RELCH: variants seen among roughly 807,000 people sequenced by gnomAD.
RELCH encodes the protein RAB11 binding and LisH domain, coiled-coil and HEAT repeat containing.
RELCH carries 41 observed loss-of-function variants against 150.3 expected under a neutral mutation model. The observed-to-expected ratio is 0.27, with a 90% CI of 0.21 to 0.35. The LOEUF is 0.35. Ranked by LOEUF, RELCH falls within the 10% of genes least tolerant of loss-of-function variation. RELCH has a pLI of 1.00. For synonymous variants in RELCH, 478 were observed against 531.8 expected, an observed-to-expected ratio of 0.90 and a Z score of 1.39; for missense variants, 1,092 against 1,467.8, an observed-to-expected ratio of 0.74 and a Z score of 4.18.
At chr18:62,299,236 A>G (rs866891218) in intron 28 of RELCH, among the ~76,000 whole-genome samples, 18 of 152,352 alleles carry the variant, frequency 1.2e-4, no homozygotes, top group African/African-American at 4.1e-4. Flanking sequence ...TACTGCATAA[A>G]GGACTATCAA....
At chr18:62,254,235 G>A (rs1359538913) in intron 12 of RELCH, among the ~76,000 whole-genome samples, 2 of 152,010 alleles carry the variant, frequency 1.3e-5, no homozygotes, top group African/African-American at 4.8e-5. Flanking sequence ...TATGAATTTA[G>A]GATGTCTTTC....
At chr18:62,301,203 TG>T (rs2045648505) in intron 28 of RELCH, among the ~76,000 whole-genome samples, 2 of 152,142 alleles carry the variant, frequency 1.3e-5, no homozygotes, top group Non-Finnish European at 2.9e-5. Context: ...GTTTGGGAAC[TG>T]TAAGTAAAGC....
chr18:62,199,945 A>C (rs2039319100), intron 1 of RELCH, among the ~76,000 whole-genome samples: 1 of 149,852 alleles, frequency 6.7e-6, no homozygotes, highest in Non-Finnish European at 1.5e-5. Flanking sequence ...ATAAGTGGTC[A>C]AAAAGAATGT....
At chr18:62,198,144 A>G (rs544606150) in intron 1 of RELCH, among the ~76,000 whole-genome samples, 1 of 152,240 alleles carries the variant, frequency 6.6e-6, no homozygotes, top group Non-Finnish European at 1.5e-5. Flanking sequence ...CACACTGCAT[A>G]GCATTAAACT....
intron 10 of RELCH, among the ~76,000 whole-genome samples, chr18:62,243,922 A>G (rs1177034687): frequency 6.6e-6 from 1 of 152,088 alleles, no homozygotes; most frequent in Non-Finnish European, 1.5e-5. Context: ...CTGTATTTAC[A>G]AAATATTGTT....
intron 12 of RELCH, 44 bp downstream of exon 12, chr18:62,252,798 T>C: frequency 1.4e-6 from 2 of 1,385,624 alleles, no homozygotes; most frequent in Non-Finnish European, 2.0e-6. Context: ...TATAGCCTGA[T>C]TTCTTAAGAA....
intron 13 of RELCH, among the ~76,000 whole-genome samples, chr18:62,257,247 C>T (rs1215867834): frequency 6.8e-6 from 1 of 146,032 alleles, no homozygotes; most frequent in Non-Finnish European, 1.6e-5. Flanking sequence ...AGCTAAAACA[C>T]TCTTTATCAT....
intron 1 of RELCH, among the ~76,000 whole-genome samples, chr18:62,205,501 C>G (rs1320880241): frequency 6.6e-6 from 1 of 152,178 alleles, no homozygotes; most frequent in Non-Finnish European, 1.5e-5. Flanking sequence ...AGGCTTCTTT[C>G]AGCATAAAGC....
intron 5 of RELCH, among the ~76,000 whole-genome samples, chr18:62,225,204 G>A (rs2041132679): frequency 2.0e-5 from 3 of 151,482 alleles, no homozygotes; most frequent in African/African-American, 7.3e-5. Flanking sequence ...TCAAAATGGA[G>A]CATATACTTA....
At chr18:62,230,435 A>G (rs1422585642) in intron 8 of RELCH, among the ~76,000 whole-genome samples, 2 of 152,124 alleles carry the variant, frequency 1.3e-5, no homozygotes, top group East Asian at 3.9e-4. Context: ...AATCATAGAA[A>G]TTACTGAGCT....
At chr18:62,241,640 G>A (rs574477816) in intron 10 of RELCH, among the ~76,000 whole-genome samples, 188 of 152,134 alleles carry the variant, frequency 1.2e-3, no homozygotes, top group Admixed American at 3.7e-3. Flanking sequence ...CTTGTCTTCT[G>A]ATGGAAATTT....
At chr18:62,196,555 T>C (rs1216061949) in intron 1 of RELCH, among the ~76,000 whole-genome samples, 1 of 152,204 alleles carries the variant, frequency 6.6e-6, no homozygotes, top group Non-Finnish European at 1.5e-5. Flanking sequence ...TAAAATTTAT[T>C]AAGTTCACTG....
At chr18:62,289,033 A>T (rs1038165947) in intron 26 of RELCH, among the ~76,000 whole-genome samples, 2 of 152,212 alleles carry the variant, frequency 1.3e-5, no homozygotes, top group Non-Finnish European at 2.9e-5. Context: ...TGGGAAAGTT[A>T]AAAGATCCAA....
chr18:62,292,520 C>T (rs1281516984), intron 27 of RELCH, among the ~76,000 whole-genome samples: 1 of 152,126 alleles, frequency 6.6e-6, no homozygotes, highest in Non-Finnish European at 1.5e-5. Context: ...ATGTTAATAT[C>T]ACACAAGTTT....
chr18:62,291,371 A>G (rs2045124758), intron 26 of RELCH, among the ~76,000 whole-genome samples, 172 bp from the exon 27 acceptor site: 1 of 152,224 alleles, frequency 6.6e-6, no homozygotes, highest in African/African-American at 2.4e-5. Context: ...CCTGATAAAT[A>G]ACTTACTCTG....
chr18:62,255,633 G>T (rs971564689), intron 13 of RELCH, among the ~76,000 whole-genome samples, 155 bp downstream of exon 13: 1 of 151,956 alleles, frequency 6.6e-6, no homozygotes, highest in African/African-American at 2.4e-5. Flanking sequence ...CATTAGTACA[G>T]TATGGCATTG....
intron 11 of RELCH, chr18:62,246,722 T>G (rs1402828391): frequency 6.6e-6 from 1 of 152,220 alleles, no homozygotes; most frequent in Non-Finnish European, 1.5e-5. Context: ...GCCATTATTT[T>G]TATCTAAGGC....
In RELCH at chr18:62,232,355, A is replaced by G; in HGVS notation, c.1548A>G (p.Glu516=). ...AGGTGTCTCGTATTGCAGACAGTGA[A>G]AAAAGCGTTATGTTAATGCTGGGAC... ...GYEVSRIADS[E]KSVMLMLGRC... Residue 516 remains glutamate (E), a synonymous_variant, in exon 10 of 29, where the codon GAA becomes GAG. Transcript: ENST00000644646. The G allele has an allele frequency of 5.6e-6, 9 of 1,611,408 alleles. No homozygotes were observed. Among genetic ancestry groups the G allele is most frequent in the Non-Finnish European group, 7.6e-6 (9 of 1,178,228 alleles).
rs2040824232 is a variant in RELCH, at chr18:62,220,914, C to A, written c.617-123C>A. 10 of 806,626 alleles carry A rather than the reference C, an allele frequency of 1.2e-5. No individual in the cohort carries two copies. The East Asian group carries it at 2.5e-4, about 20-fold the overall frequency. 50.0% of individuals were successfully genotyped at this position (806,626 alleles called of 1,614,324 possible). ...TCACAAGTTTCATAAAGATTGCATG[C>A]TTTCTGTTTTCAATACAAATTGTAT... is the stretch of plus-strand genomic sequence containing the variant. On this transcript the variant is annotated intron_variant, in intron 2 of 28. Coordinates refer to ENST00000644646, the MANE Select transcript of RELCH (RefSeq NM_001346231.2).
Sources: allele counts gnomAD v4.1 joint callset (sites outside exome capture counted in the v4.1 genomes callset), GRCh38; gene constraint gnomAD v4.1.1; transcripts MANE v1.5; gene names NCBI Gene and HGNC (gene_info 2026-07-23, HGNC 2026-07-21).